Variants in RBFOX1 observed in about 807,000 individuals in gnomAD.
RBFOX1 encodes the protein RNA binding fox-1 homolog 1.
Under a neutral mutation model 57.7 loss-of-function variants are expected in RBFOX1, and 8 were observed. That is an observed-to-expected ratio of 0.14 (90% CI 0.08 to 0.25). The LOEUF is 0.25. Among genes scored for constraint, RBFOX1 ranks in the 10% least tolerant of loss-of-function variants. The probability of loss-of-function intolerance (pLI) is 1.00; values close to 1 mark genes in which losing one functional copy is unlikely to be tolerated. For synonymous variants in RBFOX1, 326 were observed against 222.4 expected (o/e 1.47, Z -4.15); for missense variants, 611 against 548.5 (o/e 1.11, Z -1.14).
rs140011958 is a variant in RBFOX1, at chr16:7,697,939, C to T, written c.996-11117C>T. On this transcript the variant is annotated intron_variant, in intron 14 of 15. Transcript: ENST00000550418. ...TGGCTTGTCCCCTTCAGGCAGCAGG[C>T]ATATGTTTAGTTCCGTGTGCTGGGA... Among the ~76,000 whole-genome samples the T allele has an allele frequency of 4.1e-3, 621 of 152,216 alleles. 9 individuals carry two copies. The highest frequency in any genetic ancestry group is 5.4e-3 in the Admixed American group (82 of 15,296).
chr16:6,211,463 C>T (rs572462678), intron 1 of RBFOX1, among the ~76,000 whole-genome samples: 6 of 152,070 alleles, frequency 3.9e-5, no homozygotes, highest in African/African-American at 9.7e-5. Flanking sequence ...CTCCTGACCA[C>T]GTGATCCACC....
rs548495089 is a variant in RBFOX1 at position 5,879,900 on chromosome 16, T to A, written c.351+12565T>A. ...ATCTCTCTTGACCTTTTCATTGCCT[T>A]AGCGCAGAGATGGCACACATTCCTT... On this transcript the variant is annotated intron_variant, in intron 4 of 19. Transcript: ENST00000641259. Among the ~76,000 whole-genome samples, 300 of 152,248 alleles carry A rather than the reference T, an allele frequency of 2.0e-3. 1 individual carries two copies. The highest frequency in any genetic ancestry group is 6.9e-3 in the African/African-American group (287 of 41,554).
At chr16:7,505,991 C>T (rs1257911276) in intron 4 of RBFOX1, among the ~76,000 whole-genome samples, 1 of 151,836 alleles carries the variant, frequency 6.6e-6, no homozygotes, top group East Asian at 1.9e-4. Flanking sequence ...TGAGACCATC[C>T]TGTCTAACAT....
intron 12 of RBFOX1, among the ~76,000 whole-genome samples, chr16:7,654,232 G>A (rs1261751740): frequency 6.6e-6 from 1 of 152,214 alleles, no homozygotes; most frequent in Non-Finnish European, 1.5e-5. Flanking sequence ...CAGAGAAATG[G>A]TTACAGCCAA....
At chr16:7,676,402 T>C (rs2073285167) in intron 13 of RBFOX1, among the ~76,000 whole-genome samples, 2 of 152,316 alleles carry the variant, frequency 1.3e-5, no homozygotes, top group African/African-American at 4.8e-5. Context: ...CTGATAAAGG[T>C]AAAGCAGAAA....
At chr16:5,704,546 C>T (rs559425197) in intron 3 of RBFOX1, among the ~76,000 whole-genome samples, 2 of 152,314 alleles carry the variant, frequency 1.3e-5, no homozygotes, top group East Asian at 1.9e-4. Context: ...TCAGCAGTCA[C>T]ACCGTTATTC....
chr16:7,514,135 C>T (rs1444308182), intron 4 of RBFOX1, among the ~76,000 whole-genome samples: 1 of 152,196 alleles, frequency 6.6e-6, no homozygotes, highest in African/African-American at 2.4e-5. Flanking sequence ...ATAGATCATT[C>T]AGTCTTGGTG....
intron 3 of RBFOX1, among the ~76,000 whole-genome samples, chr16:6,925,227 G>C (rs572215346): frequency 7.5e-6 from 1 of 133,968 alleles, no homozygotes; most frequent in African/African-American, 2.8e-5. Flanking sequence ...TCTGCCTCCC[G>C]GGCTCAAGCA....
chr16:6,820,994 T>A (rs2091197346), intron 3 of RBFOX1, among the ~76,000 whole-genome samples: 1 of 152,208 alleles, frequency 6.6e-6, no homozygotes, highest in African/African-American at 2.4e-5. Context: ...CAGTTACTTG[T>A]AAGGGAGTCT....
At chr16:7,710,479 C>G in intron 15 of RBFOX1, 144 bp from the exon 16 acceptor site, 5 of 1,523,882 alleles carry the variant, frequency 3.3e-6, no homozygotes, top group Admixed American at 4.7e-5. Context: ...ATCTTTAGTT[C>G]TCCAAGAATG....
intron 2 of RBFOX1, among the ~76,000 whole-genome samples, chr16:6,652,497 G>C (rs910181910): frequency 6.6e-6 from 1 of 151,894 alleles, no homozygotes; most frequent in Non-Finnish European, 1.5e-5. Context: ...CTCTCTCTCA[G>C]AAAGTATAGA....
chr16:7,471,715 T>C (rs2150943777), intron 4 of RBFOX1, among the ~76,000 whole-genome samples: 1 of 152,322 alleles, frequency 6.6e-6, no homozygotes, highest in South Asian at 2.1e-4. Context: ...GTCCATTTTC[T>C]TGCCCTCAGT....
chr16:5,794,178 A>G (rs1172527961), intron 3 of RBFOX1, among the ~76,000 whole-genome samples: 1 of 152,112 alleles, frequency 6.6e-6, no homozygotes, highest in African/African-American at 2.4e-5. Context: ...AACAATCTCT[A>G]AGTCATGGGG....
chr16:7,360,288 A>G lies in RBFOX1; in HGVS notation c.28-157859A>G, dbSNP rs913471050. Among the ~76,000 whole-genome samples, 9 of 152,266 alleles carry G rather than the reference A, an allele frequency of 5.9e-5. No individual in the cohort carries two copies. In the South Asian group the frequency reaches 1.7e-3, roughly 28 times the overall value. On this transcript the variant is annotated intron_variant, in intron 4 of 15. Coordinates refer to ENST00000550418, the MANE Select transcript of RBFOX1 (RefSeq NM_018723.4). ...CTAGAATTCTTAGAATAGACTCAAA[A>G]TGTGTCACATGTTAGCCAAACTGTG...
At chr16:7,362,772 G>T (rs146010688) in intron 4 of RBFOX1, among the ~76,000 whole-genome samples, 1 of 152,264 alleles carries the variant, frequency 6.6e-6, no homozygotes, top group Non-Finnish European at 1.5e-5. Context: ...GTTTCTGTGC[G>T]TATATGTGTG....
At chr16:6,936,421 C>T (rs1045996598) in intron 3 of RBFOX1, among the ~76,000 whole-genome samples, 4 of 152,146 alleles carry the variant, frequency 2.6e-5, no homozygotes, top group African/African-American at 4.8e-5. Flanking sequence ...GTAGATAACA[C>T]CTAATTGGAT....
intron 4 of RBFOX1, among the ~76,000 whole-genome samples, chr16:7,300,601 A>C (rs1256280902): frequency 1.8e-5 from 2 of 111,536 alleles, no homozygotes; most frequent in African/African-American, 3.4e-5. Flanking sequence ...AGGTATGGCA[A>C]CTCTTATAGA....
At chr16:6,785,222 A>C (rs966497597) in intron 3 of RBFOX1, among the ~76,000 whole-genome samples, 12 of 152,136 alleles carry the variant, frequency 7.9e-5, no homozygotes, top group Admixed American at 1.3e-4. Context: ...AATTTGAGGG[A>C]ATCTCCCAGT....
intron 12 of RBFOX1, 106 bp from the exon 13 acceptor site, chr16:7,664,823 G>A: frequency 6.3e-7 from 1 of 1,599,878 alleles, no homozygotes. Flanking sequence ...CGGTTCCTGT[G>A]TTTTGGATCT....
Sources: allele counts gnomAD v4.1 joint callset (sites outside exome capture counted in the v4.1 genomes callset), GRCh38; gene constraint gnomAD v4.1.1; transcripts MANE v1.5; gene names NCBI Gene and HGNC (gene_info 2026-07-23, HGNC 2026-07-21).